PDXDC1: variants seen among roughly 807,000 people sequenced by gnomAD.
PDXDC1 encodes pyridoxal-dependent decarboxylase domain-containing protein 1.
Under a neutral mutation model 100.1 loss-of-function variants are expected in PDXDC1, and 42 were observed. The ratio of observed to expected loss-of-function variants is 0.42; its 90% CI spans 0.33 to 0.54. The LOEUF (loss-of-function observed/expected upper bound fraction) is 0.54. Ranked by LOEUF, PDXDC1 falls within the 20% of genes least tolerant of loss-of-function variation. The pLI is 0.10. For missense variants in PDXDC1, 636 were observed against 979.2 expected, an observed-to-expected ratio of 0.65 and a Z score of 4.68; for synonymous variants, 260 against 371.7, an observed-to-expected ratio of 0.70 and a Z score of 3.46.
chr16:15,076,589 C>G (rs529720541), intron 16 of PDXDC1: 1 of 1,613,012 alleles, frequency 6.2e-7, no homozygotes, highest in Admixed American at 1.7e-5. Context: ...GGAATCTGTC[C>G]CACCACAAGT....
At chr16:15,033,422 C>A in intron 19 of PDXDC1, 23 bp downstream of exon 19, 1 of 1,610,312 alleles carries the variant, frequency 6.2e-7, no homozygotes. Flanking sequence ...CATCAGTGTT[C>A]ATTCCTCTTC....
At chr16:15,084,239 G>C (rs1037843192) in intron 16 of PDXDC1, among the ~76,000 whole-genome samples, 13 of 151,920 alleles carry the variant, frequency 8.6e-5, no homozygotes, top group African/African-American at 2.9e-4. Flanking sequence ...AATAATCAAC[G>C]GACAGAGGGA....
intron 16 of PDXDC1, among the ~76,000 whole-genome samples, chr16:15,122,792 G>A (rs1477920431): frequency 1.5e-5 from 2 of 136,050 alleles, no homozygotes; most frequent in Non-Finnish European, 3.2e-5. Context: ...GAGGGAAGGG[G>A]ACGGGGACTG....
At chr16:15,020,025 TG>T (rs1174896070) in intron 12 of PDXDC1, among the ~76,000 whole-genome samples, 2 of 141,996 alleles carry the variant, frequency 1.4e-5, no homozygotes, top group African/African-American at 5.3e-5. Flanking sequence ...GGCCGGAGAA[TG>T]GTGTGAACCC....
chr16:15,127,283 TTC>T (rs2047787883), intron 16 of PDXDC1: 1 of 589,036 alleles, frequency 1.7e-6, no homozygotes, highest in African/African-American at 1.9e-5. Flanking sequence ...CGATTCTGGC[TTC>T]TGAGTCTTCT....
intron 1 of PDXDC1, among the ~76,000 whole-genome samples, chr16:14,984,568 G>T (rs1275307468): frequency 1.3e-5 from 2 of 148,988 alleles, no homozygotes; most frequent in African/African-American, 5.0e-5. Context: ...CGCCATCTCG[G>T]TTCACTGCAA....
intron 1 of PDXDC1, chr16:14,988,498 A>G (rs1450612950): frequency 6.2e-7 from 1 of 1,614,006 alleles, no homozygotes; most frequent in East Asian, 2.2e-5. Flanking sequence ...GTGGAGATGT[A>G]GAGCAGTGGC....
chr16:15,044,509 T>G, intron 16 of PDXDC1: 1 of 790,386 alleles, frequency 1.3e-6, no homozygotes, highest in Non-Finnish European at 2.2e-6. Context: ...ACACTTGCTC[T>G]ACAGCAGAGC....
intron 17 of PDXDC1, 52 bp from the exon 18 acceptor site, chr16:15,032,809 A>T (rs368787552): frequency 2.0e-6 from 2 of 1,011,102 alleles, no homozygotes; most frequent in East Asian, 4.7e-5. Flanking sequence ...CCTGTATCAG[A>T]AGAGACATTT....
the PDXDC1 span, among the ~76,000 whole-genome samples, chr16:15,149,019 GT>G: frequency 6.6e-6 from 1 of 152,222 alleles, no homozygotes; most frequent in Non-Finnish European, 1.5e-5. Context: ...CGGGAGCCAC[GT>G]AAGACCCGGC....
Position 15,004,178 on chromosome 16 carries a change from G to C in PDXDC1, c.243-9G>C. ...GGTTTGACTCTAATACTTTAATTTT[G>C]CTTAACAGAATCCAAAATATTGGAG... On this transcript the variant is annotated splice_polypyrimidine_tract_variant and intron_variant, in intron 4 of 22. Transcript: ENST00000396410. The C allele has an allele frequency of 1.2e-6, 2 of 1,611,722 alleles. No homozygotes were observed. The highest frequency in any genetic ancestry group is 8.5e-7 in the Non-Finnish European group (1 of 1,178,526).
intron 16 of PDXDC1, among the ~76,000 whole-genome samples, chr16:15,079,268 T>C (rs1261055672): frequency 5.9e-5 from 9 of 152,202 alleles, no homozygotes; most frequent in Non-Finnish European, 7.3e-5. Context: ...TAGAATCTAC[T>C]ACTTCCTTTC....
intron 16 of PDXDC1, among the ~76,000 whole-genome samples, chr16:15,057,991 T>C (rs1402285400): frequency 2.0e-5 from 3 of 152,162 alleles, no homozygotes; most frequent in Admixed American, 6.5e-5. Context: ...GCTCCACAAA[T>C]TTTGGTCTAC....
intron 16 of PDXDC1, chr16:15,044,240 C>T: frequency 1.1e-5 from 9 of 819,060 alleles, no homozygotes; most frequent in South Asian, 7.3e-5. Context: ...GTGTGCCCTT[C>T]TTGGGTTTTG....
chr16:14,994,451 G>C (rs530582161), intron 1 of PDXDC1, among the ~76,000 whole-genome samples: 1 of 152,398 alleles, frequency 6.6e-6, no homozygotes, highest in South Asian at 2.1e-4. Context: ...GATAGTTGTA[G>C]ATATGCGGCA....
intron 16 of PDXDC1, among the ~76,000 whole-genome samples, chr16:15,091,938 G>A (rs1243277686): frequency 6.6e-6 from 1 of 152,134 alleles, no homozygotes; most frequent in African/African-American, 2.4e-5. Flanking sequence ...CAGCACTTTG[G>A]GAGGCCAAGG....
At chr16:14,985,749 TAGTG>T (rs1008813261) in intron 1 of PDXDC1, among the ~76,000 whole-genome samples, 1 of 152,296 alleles carries the variant, frequency 6.6e-6, no homozygotes, top group African/African-American at 2.4e-5. Flanking sequence ...TTTCTTCTGG[TAGTG>T]AGGGAGTATT....
At chr16:15,122,270 G>C (rs1321798137) in intron 16 of PDXDC1, among the ~76,000 whole-genome samples, 1 of 150,076 alleles carries the variant, frequency 6.7e-6, no homozygotes, top group African/African-American at 2.5e-5. Context: ...GAGTGCAGCG[G>C]GGCCATCTCG....
At chr16:15,074,662 T>C (rs1348081181) in intron 16 of PDXDC1, 17 of 1,279,076 alleles carry the variant, frequency 1.3e-5, no homozygotes, top group Non-Finnish European at 1.6e-5. Context: ...GGATGGAAAA[T>C]GCCCAGCACA....
Sources: allele counts gnomAD v4.1 joint callset (sites outside exome capture counted in the v4.1 genomes callset), GRCh38; gene constraint gnomAD v4.1.1; transcripts MANE v1.5; gene names NCBI Gene and HGNC (gene_info 2026-07-23, HGNC 2026-07-21).